NDUFAF6: variants seen among roughly 807,000 people sequenced by gnomAD.
The protein encoded by NDUFAF6 is NADH:ubiquinone oxidoreductase complex assembly factor 6.
NDUFAF6 carries 45 observed loss-of-function variants against 40.8 expected under a neutral mutation model. The ratio of observed to expected loss-of-function variants is 1.10; its 90% CI spans 0.87 to 1.42. The LOEUF (loss-of-function observed/expected upper bound fraction) is 1.42. NDUFAF6 is among the 40% of genes most tolerant of loss of function. The pLI, the probability that NDUFAF6 is intolerant of heterozygous loss-of-function variation, is 0.00. For synonymous variants in NDUFAF6, 185 were observed against 155.9 expected, an observed-to-expected ratio of 1.19 and a Z score of -1.39; for missense variants, 435 against 418.5, an observed-to-expected ratio of 1.04 and a Z score of -0.34.
At chr8:94,930,605 A>C (rs144109211) in intron 1 of NDUFAF6, 1 of 1,614,218 alleles carries the variant, frequency 6.2e-7, no homozygotes, top group Middle Eastern at 1.6e-4. Flanking sequence ...GCTGTCTTTC[A>C]CTGTGTTCTT....
intron 2 of NDUFAF6, among the ~76,000 whole-genome samples, chr8:94,981,687 A>G (rs567922499): frequency 1.1e-4 from 17 of 152,164 alleles, no homozygotes; most frequent in Non-Finnish European, 1.3e-4. Context: ...GCTTACGGCA[A>G]TTTGCTTTAA....
chr8:95,078,662 A>AAATATATATAT (rs545018367), downstream of NDUFAF6: 1 of 121,042 alleles, frequency 8.3e-6, no homozygotes, highest in African/African-American at 3.3e-5. Context: ...AAAAAAAAAA[A>AAATATATATAT]ATATATATAT....
chr8:95,091,330 G>A (rs1809243433), intron 2 of NDUFAF6, among the ~76,000 whole-genome samples: 1 of 151,994 alleles, frequency 6.6e-6, no homozygotes, highest in South Asian at 2.1e-4. Flanking sequence ...GAGGGAAAGG[G>A]GAAGAGCCTC....
Position 95,056,821 on chromosome 8 carries a change from G to A in NDUFAF6, c.874-988G>A, listed in dbSNP as rs564976247. Among the ~76,000 whole-genome samples the A allele has an allele frequency of 1.1e-4, 16 of 150,888 alleles. No individual in the cohort carries two copies. The South Asian group carries it at 1.7e-3, about 16-fold the overall frequency. ...CTCTGGAGGCTGAGGCAGAAGAATC[G>A]TTTGAACCCAGGAGGCGGAGGTTGC... On this transcript the variant is annotated intron_variant, in intron 8 of 8. Transcript: ENST00000396124.
intron 2 of NDUFAF6, among the ~76,000 whole-genome samples, chr8:95,001,163 C>T (rs570351240): frequency 0.01 from 1,533 of 151,906 alleles, 27 homozygotes; most frequent in African/African-American, 0.035. Context: ...GCTATGTTGC[C>T]CAGGTTGGTC....
At chr8:94,977,322 G>C (rs972984065) in intron 1 of NDUFAF6, among the ~76,000 whole-genome samples, 1 of 151,684 alleles carries the variant, frequency 6.6e-6, no homozygotes, top group African/African-American at 2.4e-5. Context: ...GACCAGCCTG[G>C]ACAACAAAAA....
chr8:95,036,586 A>C, intron 3 of NDUFAF6: 2 of 1,045,312 alleles, frequency 1.9e-6, no homozygotes, highest in South Asian at 3.2e-5. Context: ...AAAATCCAGA[A>C]ACCCTTTCTA....
chr8:95,025,277 C>G, intron 1 of NDUFAF6, 72 bp downstream of exon 1: 13 of 1,310,244 alleles, frequency 9.9e-6, no homozygotes, highest in Non-Finnish European at 1.3e-5. Flanking sequence ...CGCCTCGCGT[C>G]TGGCCTGACG....
intron 9 of NDUFAF6, among the ~76,000 whole-genome samples, chr8:95,065,062 C>T (rs1436358851): frequency 2.0e-5 from 3 of 152,164 alleles, no homozygotes; most frequent in Non-Finnish European, 2.9e-5. Flanking sequence ...CCCCTTCCCC[C>T]ATATGTCACC....
At chr8:95,080,471 A>G (rs529654998), downstream of NDUFAF6, among the ~76,000 whole-genome samples, 4 of 123,454 alleles carry the variant, frequency 3.2e-5, no homozygotes, top group African/African-American at 1.2e-4. Flanking sequence ...GTATTTTTGT[A>G]GTGTATTTTT....
At chr8:95,082,846 G>A (rs1212624042) in intron 2 of NDUFAF6, among the ~76,000 whole-genome samples, 1 of 152,108 alleles carries the variant, frequency 6.6e-6, no homozygotes, top group East Asian at 1.9e-4. Flanking sequence ...TTTTTTAGTA[G>A]AGACGGGGTT....
intron 3 of NDUFAF6, chr8:95,036,533 C>T: frequency 7.9e-7 from 1 of 1,270,762 alleles, no homozygotes; most frequent in Non-Finnish European, 1.0e-6. Context: ...GTTCATCCCA[C>T]TTCAAGAAGC....
upstream of NDUFAF6, chr8:95,024,851 G>C (rs1431840054): frequency 3.2e-6 from 2 of 622,038 alleles, no homozygotes; most frequent in Non-Finnish European, 4.7e-6. Context: ...CGGCGGCCCA[G>C]ATGCAGAGGA....
intron 1 of NDUFAF6, among the ~76,000 whole-genome samples, chr8:94,961,568 C>T (rs541877287): frequency 1.3e-5 from 2 of 152,236 alleles, no homozygotes; most frequent in East Asian, 1.9e-4. Context: ...ACTACAGGCG[C>T]GTACCACTAC....
At chr8:94,982,095 G>T (rs113391639) in intron 2 of NDUFAF6, among the ~76,000 whole-genome samples, 14 of 152,162 alleles carry the variant, frequency 9.2e-5, no homozygotes, top group African/African-American at 3.4e-4. Context: ...AGCCAGATGT[G>T]GTGGTGGGTG....
At chr8:94,976,274 G>C (rs537446941) in intron 1 of NDUFAF6, among the ~76,000 whole-genome samples, 2 of 152,088 alleles carry the variant, frequency 1.3e-5, no homozygotes, top group African/African-American at 2.4e-5. Flanking sequence ...GGGAGGCAGA[G>C]GCAGGCGGAT....
At chr8:94,964,720 C>T (rs772889642) in intron 1 of NDUFAF6, among the ~76,000 whole-genome samples, 7 of 152,162 alleles carry the variant, frequency 4.6e-5, no homozygotes, top group South Asian at 2.1e-4. Context: ...GGGATGGCAC[C>T]GAGCCATTCA....
At position 95,035,460 on chromosome 8, in the gene NDUFAF6, G is replaced by A. The variant is rs1282405056; in HGVS notation, c.304G>A (p.Asp102Asn). 6.2e-7 allele frequency: 1 copy of A among 1,613,474 alleles called. No individual in the cohort carries two copies. The highest frequency in any genetic ancestry group is 8.5e-7 in the Non-Finnish European group (1 of 1,179,822). Residue 102 changes from aspartate (D) to asparagine (N), a missense_variant, in exon 3 of 9, where the codon GAC becomes AAC. Asp to Asn is a conservative substitution (Grantham distance 23). Coordinates refer to ENST00000396124, the MANE Select transcript of NDUFAF6 (RefSeq NM_152416.4). ...AFNVELAQVK[D>N]SVSEKTIGLM... ...TTTTAAACCCTGTTTATAGGTTAAA[G>A]ACTCAGTCTCTGAGAAAACAATTGG...
intron 4 of NDUFAF6, among the ~76,000 whole-genome samples, chr8:95,108,493 A>G (rs570503167): frequency 2.0e-5 from 3 of 152,346 alleles, no homozygotes; most frequent in Admixed American, 1.3e-4. Flanking sequence ...TATATGAGGT[A>G]TGAAGAATAG....
Sources: allele counts gnomAD v4.1 joint callset (sites outside exome capture counted in the v4.1 genomes callset), GRCh38; gene constraint gnomAD v4.1.1; transcripts MANE v1.5; gene names NCBI Gene and HGNC (gene_info 2026-07-23, HGNC 2026-07-21).